The following ADGRV1 variants were observed in gnomAD, a reference collection of about 807,000 sequenced individuals.
ADGRV1 encodes adhesion G protein-coupled receptor V1, also known as G-protein coupled receptor 98.
A neutral mutation model predicts 596.2 loss-of-function variants in ADGRV1; 359 were observed. The observed-to-expected ratio is 0.60, with a 90% CI of 0.55 to 0.66. The LOEUF (loss-of-function observed/expected upper bound fraction) is 0.66, where lower values mean the gene tolerates loss of function less well. Among genes scored for constraint, ADGRV1 ranks in the 30% least tolerant of loss-of-function variants. ADGRV1 has a pLI of 0.00. For synonymous variants in ADGRV1, 2,681 were observed against 2,679.2 expected (o/e 1.00, Z -0.02); for missense variants, 7,274 against 7,575.6 (o/e 0.96, Z 1.48).
At chr5:90,639,294 A>T (rs935401118) in intron 11 of ADGRV1, among the ~76,000 whole-genome samples, 1 of 152,168 alleles carries the variant, frequency 6.6e-6, no homozygotes, top group African/African-American at 2.4e-5. Flanking sequence ...TCTTGAAAAC[A>T]ACTAAAGAAA....
intron 83 of ADGRV1, among the ~76,000 whole-genome samples, chr5:90,890,867 T>C (rs965025909): frequency 6.6e-6 from 1 of 152,164 alleles, no homozygotes; most frequent in Non-Finnish European, 1.5e-5. Context: ...TACTATTTTT[T>C]ATCTGCTGAT....
At chr5:90,794,347 C>CT (rs759918962) in intron 70 of ADGRV1, among the ~76,000 whole-genome samples, 2 of 152,086 alleles carry the variant, frequency 1.3e-5, no homozygotes, top group South Asian at 2.1e-4. Context: ...TAACAGCTGG[C>CT]TTTTTTTTAT....
intron 83 of ADGRV1, among the ~76,000 whole-genome samples, chr5:90,949,482 T>A (rs77296572): frequency 0.013 from 2,017 of 152,310 alleles, 52 homozygotes; most frequent in African/African-American, 0.046. Flanking sequence ...AGTACATGTA[T>A]TCCTCTTGAT....
chr5:90,810,236 A>C lies in ADGRV1; in HGVS notation c.14976A>C (p.Ser4992=), dbSNP rs1762313225. The change falls in exon 74 of 90, where the codon TCA becomes TCC. Residue 4992 remains serine, a synonymous_variant. Transcript: ENST00000405460. The stretch of plus-strand genomic sequence containing the variant: ...CATGATTTAATTTTTTTCCCAGATC[A>C]GGTTTCATTGTTGCTGAAATTGAAC... The part of the protein sequence containing the change: ...SSAPGGAQLR[S]GFIVAEIEPM... 11 of 1,549,546 alleles carry C rather than the reference A, an allele frequency of 7.1e-6. No homozygotes were observed. The highest frequency in any genetic ancestry group is 9.6e-6 in the Non-Finnish European group (11 of 1,147,714).
At chr5:90,844,337 C>A (rs1765676865) in intron 78 of ADGRV1, among the ~76,000 whole-genome samples, 1 of 152,072 alleles carries the variant, frequency 6.6e-6, no homozygotes, top group Non-Finnish European at 1.5e-5. Context: ...CTATTATATA[C>A]AATGTATTTC....
chr5:90,673,695 A>G (rs1268135770), intron 22 of ADGRV1, among the ~76,000 whole-genome samples: 4 of 152,118 alleles, frequency 2.6e-5, no homozygotes, highest in Non-Finnish European at 4.4e-5. Flanking sequence ...AATTCCATTC[A>G]TGAGGGCTCT....
intron 87 of ADGRV1, among the ~76,000 whole-genome samples, chr5:91,126,789 G>C (rs1382846788): frequency 1.3e-5 from 2 of 152,172 alleles, no homozygotes; most frequent in East Asian, 3.8e-4. Flanking sequence ...AAATGGCTCT[G>C]TCATTTGTGG....
At chr5:90,919,139 G>A (rs1773647103) in intron 83 of ADGRV1, among the ~76,000 whole-genome samples, 1 of 152,136 alleles carries the variant, frequency 6.6e-6, no homozygotes, top group South Asian at 2.1e-4. Flanking sequence ...TTTTCCAGCT[G>A]CTATTAGCTT....
intron 83 of ADGRV1, among the ~76,000 whole-genome samples, chr5:90,893,376 T>C (rs1390176432): frequency 6.6e-6 from 1 of 152,154 alleles, no homozygotes; most frequent in Non-Finnish European, 1.5e-5. Flanking sequence ...TTAGAAGTCA[T>C]GTGCCATCTC....
At chr5:91,111,490 G>T (rs758789091) in intron 87 of ADGRV1, among the ~76,000 whole-genome samples, 13 of 152,130 alleles carry the variant, frequency 8.5e-5, no homozygotes, top group Non-Finnish European at 1.9e-4. Context: ...GTATCCAGAA[G>T]GGTTCAGTGC....
chr5:91,111,268 T>G (rs546541739), intron 87 of ADGRV1, among the ~76,000 whole-genome samples: 2 of 152,316 alleles, frequency 1.3e-5, no homozygotes, highest in Non-Finnish European at 2.9e-5. Flanking sequence ...TTTTACCCTT[T>G]CTTTTCTTGT....
intron 84 of ADGRV1, among the ~76,000 whole-genome samples, chr5:90,976,323 T>C (rs1269596228): frequency 1.9e-4 from 10 of 51,286 alleles, no homozygotes; most frequent in African/African-American, 7.0e-4. Context: ...TGTGTGTGTG[T>C]ATATATATAT....
intron 1 of ADGRV1, among the ~76,000 whole-genome samples, chr5:90,560,893 G>A (rs181429402): frequency 6.6e-6 from 1 of 152,244 alleles, no homozygotes; most frequent in Admixed American, 6.5e-5. Flanking sequence ...GCAAATGCTG[G>A]TATTAAGTAT....
At chr5:90,771,512 T>G (rs1757691355) in intron 59 of ADGRV1, among the ~76,000 whole-genome samples, 2 of 152,180 alleles carry the variant, frequency 1.3e-5, no homozygotes, top group Non-Finnish European at 2.9e-5. Flanking sequence ...ACAACAACTG[T>G]AATTTAGAAA....
At chr5:90,619,374 C>T (rs915502806) in intron 4 of ADGRV1, among the ~76,000 whole-genome samples, 193 bp downstream of exon 4, 9 of 152,062 alleles carry the variant, frequency 5.9e-5, no homozygotes, top group Admixed American at 1.3e-4. Context: ...GAATTGAGGA[C>T]GCTTGTATGA....
Position 90,653,864 on chromosome 5 carries a change from C to A in ADGRV1, c.4290C>A (p.Ile1430=), listed in dbSNP as rs889066785. 9 of 1,607,990 alleles carry A rather than the reference C, an allele frequency of 5.6e-6. No individual in the cohort carries two copies. Among genetic ancestry groups the A allele is most frequent in the Non-Finnish European group, 6.8e-6 (8 of 1,176,978 alleles). ...GTGTTTGGCTTCATCTACTAATTAT[C>A]CTGGAGGATGGTATAATCGAATTCT... ...EESVWLHLLI[I]LEDGIIEFYL... is the part of the protein sequence containing the mutation. The change falls in exon 20 of 90, where the codon ATC becomes ATA. Residue 1430 remains isoleucine, a synonymous_variant. Coordinates refer to ENST00000405460, the MANE Select transcript of ADGRV1 (RefSeq NM_032119.4).
At chr5:91,082,674 T>A (rs1228690181) in intron 86 of ADGRV1, among the ~76,000 whole-genome samples, 2 of 151,962 alleles carry the variant, frequency 1.3e-5, no homozygotes, top group Non-Finnish European at 2.9e-5. Flanking sequence ...GTAGAAAAAA[T>A]TTTTGAGGCT....
chr5:90,790,118 A>C (rs1759902684), intron 69 of ADGRV1, among the ~76,000 whole-genome samples: 1 of 152,150 alleles, frequency 6.6e-6, no homozygotes, highest in Admixed American at 6.5e-5. Flanking sequence ...ATGATTTTAC[A>C]TTTTATTGTT....
At chr5:90,802,119 T>C (rs1761439455) in intron 70 of ADGRV1, among the ~76,000 whole-genome samples, 1 of 152,244 alleles carries the variant, frequency 6.6e-6, no homozygotes. Context: ...GATCCTATCA[T>C]GAACACTGCC....
Sources: allele counts gnomAD v4.1 joint callset (sites outside exome capture counted in the v4.1 genomes callset), GRCh38; gene constraint gnomAD v4.1.1; transcripts MANE v1.5; gene names NCBI Gene and HGNC (gene_info 2026-07-23, HGNC 2026-07-21).